The following POLN variants were observed in gnomAD, a reference collection of about 807,000 sequenced individuals.
POLN encodes DNA polymerase N.
Under a neutral mutation model 113.5 loss-of-function variants are expected in POLN, and 108 were observed. The ratio of observed to expected loss-of-function variants is 0.95; its 90% confidence interval spans 0.81 to 1.12. The LOEUF is 1.12. POLN is among the 50% of genes most tolerant of loss of function. The probability of loss-of-function intolerance (pLI) is 0.00; values close to 1 mark genes in which losing one functional copy is unlikely to be tolerated. For missense variants in POLN, 1,097 were observed against 1,077.1 expected (o/e 1.02, Z -0.26); for synonymous variants, 386 against 391.5 (o/e 0.99, Z 0.17).
chr4:2,214,886 C>CAT (rs1734074012), intron 3 of POLN, among the ~76,000 whole-genome samples: 3 of 151,084 alleles, frequency 2.0e-5, no homozygotes, highest in African/African-American at 7.3e-5. Context: ...CACATATACA[C>CAT]ATACATATAC....
chr4:2,131,415 G>T, intron 16 of POLN, 125 bp from the exon 17 acceptor site: 1 of 616,978 alleles, frequency 1.6e-6, no homozygotes, highest in South Asian at 2.0e-5. Flanking sequence ...ACATGCATAA[G>T]CACATTAATA....
intron 16 of POLN, among the ~76,000 whole-genome samples, chr4:2,148,845 C>T (rs1732217997): frequency 6.6e-6 from 1 of 151,974 alleles, no homozygotes; most frequent in Admixed American, 6.6e-5. Context: ...AGAAAAAAGA[C>T]ACATTATGTG....
chr4:2,201,083 T>C (rs553714174), intron 5 of POLN, among the ~76,000 whole-genome samples: 3 of 151,706 alleles, frequency 2.0e-5, no homozygotes, highest in Non-Finnish European at 4.4e-5. Context: ...CTGGCTAACA[T>C]GGTGAAACTC....
At position 2,240,349 on chromosome 4, in the gene POLN, A is replaced by C. The variant is rs367961906; in HGVS notation, c.-13+1171T>G. The C allele has an allele frequency of 2.5e-6, 4 of 1,601,674 alleles. No individual in the cohort carries two copies. In the African/African-American group the frequency reaches 5.4e-5, roughly 21 times the overall value. The stretch of plus-strand genomic sequence containing the variant: ...TCTTCCTGACTTAGGTATTTTTCCA[A>C]GGAAAATTGCGATAAAAATACCAGT... On this transcript the variant is annotated intron_variant, in intron 2 of 25. Coordinates refer to ENST00000511885, the MANE Select transcript of POLN (RefSeq NM_181808.4).
At chr4:2,081,598 T>C (rs1252607817) in intron 22 of POLN, 35 bp downstream of exon 22, 3 of 1,603,786 alleles carry the variant, frequency 1.9e-6, no homozygotes, top group Non-Finnish European at 2.6e-6. Flanking sequence ...AAGAAGCAAA[T>C]GGACACAGAA....
At chr4:2,139,093 G>A (rs17132252) in intron 16 of POLN, among the ~76,000 whole-genome samples, 2,481 of 152,236 alleles carry the variant, frequency 0.016, 74 homozygotes, top group African/African-American at 0.057. Context: ...CACAACAAAT[G>A]GGCAGAGGGA....
At chr4:2,234,733 C>A (rs1205504862) in intron 2 of POLN, among the ~76,000 whole-genome samples, 1 of 152,158 alleles carries the variant, frequency 6.6e-6, no homozygotes, top group Non-Finnish European at 1.5e-5. Context: ...GAAAAAGCAT[C>A]ACCAGGAATA....
rs570878220 is a variant in POLN at position 2,075,458 on chromosome 4, A to G, written c.2449T>C (p.Cys817Arg). ...CTGTGTTGCCCCAGGCTACCTGCAC[A>G]CTCCGGGATCTGCGGATCTTCCACT... The part of the protein sequence containing the change: ...FEVEDPQIPE[C>R]AALVRRTMES... The change falls in exon 24 of 26, where the codon TGT (cysteine) becomes CGT (arginine). Residue 817 changes from cysteine to arginine, a missense_variant. By Grantham distance (180) the Cys-to-Arg change is radical. Coordinates refer to ENST00000511885, the MANE Select transcript of POLN (RefSeq NM_181808.4). 9 of 1,613,406 alleles carry G rather than the reference A, an allele frequency of 5.6e-6. No individual in the cohort carries two copies. The highest frequency in any genetic ancestry group is 4.4e-5 in the South Asian group (4 of 91,090).
At chr4:2,176,577 G>T (rs1170575292) in intron 8 of POLN, among the ~76,000 whole-genome samples, 1 of 152,208 alleles carries the variant, frequency 6.6e-6, no homozygotes, top group East Asian at 1.9e-4. Context: ...CCCAACCGAG[G>T]GTATTTCTTC....
chr4:2,225,947 C>T (rs1734376022), intron 3 of POLN, among the ~76,000 whole-genome samples: 1 of 151,884 alleles, frequency 6.6e-6, no homozygotes, highest in Admixed American at 6.6e-5. Context: ...GCTGCAATGA[C>T]CTGTGAACTC....
chr4:2,227,278 C>G (rs766257078), intron 3 of POLN, among the ~76,000 whole-genome samples: 7 of 152,160 alleles, frequency 4.6e-5, no homozygotes, highest in Non-Finnish European at 7.3e-5. Context: ...AACTGAGACC[C>G]TTGGTCTGAA....
intron 13 of POLN, 76 bp downstream of exon 13, chr4:2,170,603 G>A (rs1344842033): frequency 1.6e-6 from 2 of 1,257,132 alleles, no homozygotes; most frequent in African/African-American, 1.5e-5. Flanking sequence ...GTCTCGGGTG[G>A]GTCTGAAGGT....
rs577040596 is a variant in POLN at position 2,202,381 on chromosome 4, C to G, written c.715-3664G>C. ...CATGCAAAGGGAGACCAAAAGCAAG[C>G]AAGAGTAGCTATTCTGATATCAGAC... On this transcript the variant is annotated intron_variant, in intron 5 of 25. Coordinates refer to ENST00000511885, the MANE Select transcript of POLN (RefSeq NM_181808.4). 1.3e-3 allele frequency among the ~76,000 whole-genome samples: 201 copies of G among 152,182 alleles called. 1 individual carries two copies. The highest frequency in any genetic ancestry group is 4.1e-3 in the South Asian group (20 of 4,822).
chr4:2,124,531 T>G (rs1048777948), intron 19 of POLN, among the ~76,000 whole-genome samples: 7 of 152,196 alleles, frequency 4.6e-5, no homozygotes, highest in Non-Finnish European at 8.8e-5. Context: ...CTCTCCTCTT[T>G]GCCTCCCCAA....
At chr4:2,240,721 C>A (rs1001487087) in intron 2 of POLN, 1 of 1,614,008 alleles carries the variant, frequency 6.2e-7, no homozygotes, top group Non-Finnish European at 8.5e-7. Flanking sequence ...TCATCCAATG[C>A]CGCCCCTTCT....
At position 2,072,168 on chromosome 4, in the gene POLN, G is replaced by C. The variant is rs763678138; in HGVS notation, c.2649C>G (p.Ser883=). 6.2e-7 allele frequency: 1 copy of C among 1,611,926 alleles called. No individual in the cohort carries two copies. The highest frequency in any genetic ancestry group is 1.7e-5 in the Admixed American group (1 of 59,966). Residue 883 remains serine, a synonymous_variant, in exon 26 of 26, where the codon TCC becomes TCG. Coordinates refer to ENST00000511885, the MANE Select transcript of POLN (RefSeq NM_181808.4). ...SPSNSLAAPG[S]PASTQPPPLH... Reference sequence around the variant, plus strand: ...GGGGTGGGGGCTGGGTGCTGGCAGGGGACCCAGGGGCAGCCAGGCTGTTGC... The same window carrying C: ...GGGGTGGGGGCTGGGTGCTGGCAGGCGACCCAGGGGCAGCCAGGCTGTTGC...
intron 3 of POLN, among the ~76,000 whole-genome samples, chr4:2,220,418 C>T (rs1734227362): frequency 6.6e-6 from 1 of 152,220 alleles, no homozygotes; most frequent in South Asian, 2.1e-4. Flanking sequence ...ACAAGCACCC[C>T]TACCAACTTC....
At chr4:2,090,016 T>G (rs544197515) in intron 20 of POLN, 1 of 893,914 alleles carries the variant, frequency 1.1e-6, no homozygotes, top group Non-Finnish European at 1.8e-6. Flanking sequence ...CTTTTTCCTA[T>G]GGAGTAAACA....
At position 2,126,532 on chromosome 4, in the gene POLN, T is replaced by C. The variant is rs910038547; in HGVS notation, c.1982+1581A>G. Among the ~76,000 whole-genome samples, 1 of 152,044 alleles carries C rather than the reference T, an allele frequency of 6.6e-6. No homozygotes were observed. Among genetic ancestry groups the C allele is most frequent in the South Asian group, 2.1e-4 (1 of 4,814 alleles). Reference sequence around the variant, plus strand: ...GCAGGATGGACAGTAGAGCAATACATGGGAATGTGCATCGGACCAGAGAGG... The same window carrying C: ...GCAGGATGGACAGTAGAGCAATACACGGGAATGTGCATCGGACCAGAGAGG... On this transcript the variant is annotated intron_variant, in intron 19 of 25. Coordinates refer to ENST00000511885, the MANE Select transcript of POLN (RefSeq NM_181808.4). The surrounding 1 kb of genome is among the most constrained non-coding windows in gnomAD (Gnocchi z 4.6).
Sources: gnomAD v4.1 joint callset for allele counts (sites outside exome capture counted in the v4.1 genomes callset) on GRCh38, gnomAD v4.1.1 for gene constraint, Gnocchi (gnomAD v3.1) non-coding constraint, MANE v1.5 for transcripts, NCBI Gene and HGNC (gene_info 2026-07-23, HGNC 2026-07-21) for gene names.